Variants in POLR2F observed in about 807,000 individuals in gnomAD.
POLR2F encodes the protein RNA polymerase II, I and III subunit F, also known as DNA-directed RNA polymerases I, II, and III subunit RPABC2.
In POLR2F, 12 loss-of-function variants were observed where a neutral mutation model predicts 22.7. The observed-to-expected ratio is 0.53, with a 90% confidence interval of 0.34 to 0.86. POLR2F has a LOEUF of 0.86. Among genes scored for constraint, POLR2F ranks in the 40% least tolerant of loss-of-function variants. The pLI, the probability that POLR2F is intolerant of heterozygous loss-of-function variation, is 0.02. For missense variants in POLR2F, 126 were observed against 171.5 expected, an observed-to-expected ratio of 0.73 and a Z score of 1.48; for synonymous variants, 57 against 66.0, an observed-to-expected ratio of 0.86 and a Z score of 0.66.
chr22:38,003,016 C>T (rs905780221), intron 1 of POLR2F, among the ~76,000 whole-genome samples: 12 of 151,984 alleles, frequency 7.9e-5, no homozygotes, highest in African/African-American at 1.9e-4. Flanking sequence ...TGACCCACCG[C>T]GCCCGGCCAA....
Position 37,986,983 on chromosome 22 carries a change from C to A in POLR2F, c.120+671C>A, listed in dbSNP as rs1932600356. 1 of 453,404 alleles carries A rather than the reference C, an allele frequency of 2.2e-6. No homozygotes were observed. Among genetic ancestry groups the A allele is most frequent in the Non-Finnish European group, 4.5e-6 (1 of 224,460 alleles). 28.1% of individuals were successfully genotyped at this position (453,404 alleles called of 1,614,324 possible). A position where few individuals can be genotyped will look rare whatever the true frequency, so the allele number is the denominator to read the frequency against. ...CCAGTGTCACCTTCTCCTCCTTTCC[C>A]TGCTGGGGGTGGCAGGGGTCCCTTT... On this transcript the variant is annotated intron_variant, in intron 1 of 2. Coordinates refer to the POLR2F transcript ENST00000333418. The surrounding 1 kb of genome is among the most constrained non-coding windows in gnomAD (Gnocchi z 4.7).
At position 38,017,236 on chromosome 22, in the gene POLR2F, A is replaced by C. The variant is rs533843808; in HGVS notation, c.121-8633A>C. Among the ~76,000 whole-genome samples, 11 of 152,246 alleles carry C rather than the reference A, an allele frequency of 7.2e-5. No individual in the cohort carries two copies. Among genetic ancestry groups the C allele is most frequent in the African/African-American group, 2.6e-4 (11 of 41,544 alleles). ...GAAAGGCTCCTCTGGGGGTTTTGGA[A>C]ATGATGACGTGCCCTTCCTAGTCCT... On this transcript the variant is annotated intron_variant, in intron 1 of 2. Transcript: ENST00000333418. The surrounding 1 kb of genome is among the most constrained non-coding windows in gnomAD (Gnocchi z 4.1).
intron 1 of POLR2F, among the ~76,000 whole-genome samples, chr22:37,998,199 T>C (rs1184203418): frequency 6.6e-6 from 1 of 152,212 alleles, no homozygotes; most frequent in African/African-American, 2.4e-5. Flanking sequence ...TGAGGGGATG[T>C]TGGGCTTTTA....
downstream of POLR2F, among the ~76,000 whole-genome samples, chr22:38,028,450 G>A (rs2085034149): frequency 2.0e-5 from 3 of 152,064 alleles, no homozygotes; most frequent in South Asian, 4.1e-4. Context: ...TGATACGGGG[G>A]CTCATGACCC....
In POLR2F at chr22:37,956,815, G is replaced by T. The variant is rs1931422002; in HGVS notation, c.63G>T (p.Gly21=). 6.2e-7 allele frequency: 1 copy of T among 1,613,942 alleles called. No individual in the cohort carries two copies. Among genetic ancestry groups the T allele is most frequent in the Admixed American group, 1.7e-5 (1 of 59,998 alleles). The stretch of plus-strand genomic sequence containing the variant: ...TTGATGATGTGGAGGAGGATGAAGG[G>T]CTAGATGACTTGGAGAATGCCGAAG... The part of the protein sequence containing the change: ...DDFDDVEEDE[G]LDDLENAEEE... Residue 21 remains glycine (G), a synonymous_variant, in exon 2 of 5, where the codon GGG becomes GGT. Transcript: ENST00000442738.
intron 1 of POLR2F, among the ~76,000 whole-genome samples, chr22:38,001,445 G>T (rs762505009): frequency 1.3e-5 from 2 of 152,188 alleles, no homozygotes; most frequent in African/African-American, 2.4e-5. Context: ...GGGAATTTAC[G>T]AATTTATTCA....
At chr22:37,976,372 T>C (rs1172114314) in intron 4 of POLR2F, among the ~76,000 whole-genome samples, 1 of 152,238 alleles carries the variant, frequency 6.6e-6, no homozygotes, top group Non-Finnish European at 1.5e-5. Flanking sequence ...TGTTTCTTCC[T>C]GTACTTAATT....
intron 1 of POLR2F, among the ~76,000 whole-genome samples, chr22:38,023,864 C>G (rs1057382114): frequency 1.7e-5 from 2 of 116,228 alleles, no homozygotes; most frequent in African/African-American, 6.8e-5. Flanking sequence ...TTTTTTGATA[C>G]GGATTCTCAC....
At chr22:37,963,657 C>T (rs1931737649) in intron 3 of POLR2F, among the ~76,000 whole-genome samples, 1 of 152,166 alleles carries the variant, frequency 6.6e-6, no homozygotes, top group African/African-American at 2.4e-5. Flanking sequence ...TTCTATGGGG[C>T]ACACTAATAT....
chr22:37,977,351 C>T (rs1305307164), intron 4 of POLR2F, among the ~76,000 whole-genome samples: 1 of 150,674 alleles, frequency 6.6e-6, no homozygotes, highest in Non-Finnish European at 1.5e-5. Context: ...GACAGAGTCT[C>T]GCTCTGTCGC....
rs553354724 is a variant in POLR2F at position 38,019,586 on chromosome 22, C to G, written c.121-6283C>G. Reference sequence around the variant, plus strand: ...GAATCTGCCCAGGAAATAGATCTGCCCAAGGCAGAGAGAGGGAGGGCGGAC... The same window carrying G: ...GAATCTGCCCAGGAAATAGATCTGCGCAAGGCAGAGAGAGGGAGGGCGGAC... On this transcript the variant is annotated intron_variant, in intron 1 of 2. Transcript: ENST00000333418. Among the ~76,000 whole-genome samples the G allele has an allele frequency of 5.3e-5, 8 of 152,288 alleles. No individual in the cohort carries two copies. In the South Asian group the frequency reaches 1.7e-3, roughly 32 times the overall value.
chr22:37,968,598 GC>G lies in POLR2F; in HGVS notation c.*884del. ...TGGGTCCTCTTCCTTTCTCCACCCT[GC>G]TTACCCAACCTGAGGTAAGACCAGT... On this transcript the variant is annotated 3_prime_UTR_variant, in exon 5 of 5. Transcript: ENST00000442738. 1 of 985,618 alleles carries G rather than the reference GC, an allele frequency of 1.0e-6. No homozygotes were observed. The highest frequency in any genetic ancestry group is 4.7e-5 in the South Asian group (1 of 21,288). The allele number at this position is 985,618 out of a possible 1,614,324, so 61.1% of individuals were successfully genotyped here. A position where few individuals can be genotyped will look rare whatever the true frequency, so the allele number is the denominator to read the frequency against.
At chr22:38,025,656 C>T in intron 1 of POLR2F, 1 of 1,563,722 alleles carries the variant, frequency 6.4e-7, no homozygotes, top group South Asian at 1.2e-5. Context: ...TTCAGCATCT[C>T]CTCCCGCTGA....
chr22:38,013,390 C>T (rs1388323684), intron 1 of POLR2F, among the ~76,000 whole-genome samples: 1 of 152,208 alleles, frequency 6.6e-6, no homozygotes, highest in African/African-American at 2.4e-5. Context: ...AGGTGATCCA[C>T]CCACCTTGGC....
intron 1 of POLR2F, among the ~76,000 whole-genome samples, chr22:37,991,139 ATT>A (rs142528420): frequency 6.6e-6 from 1 of 152,172 alleles, no homozygotes; most frequent in Non-Finnish European, 1.5e-5. Flanking sequence ...TATTACTATT[ATT>A]ATTTGAGACT....
At chr22:38,021,901 C>T (rs1228425415) in intron 1 of POLR2F, among the ~76,000 whole-genome samples, 1 of 150,582 alleles carries the variant, frequency 6.6e-6, no homozygotes, top group East Asian at 2.0e-4. Context: ...GGGCCCAAGG[C>T]GGGCAGATCA....
At position 38,025,603 on chromosome 22, in the gene POLR2F, A is replaced by C. The variant is rs961303355; in HGVS notation, c.121-266A>C. The C allele has an allele frequency of 9.1e-6, 14 of 1,530,728 alleles. No homozygotes were observed. The African/African-American group carries it at 1.9e-4, about 21-fold the overall frequency. The allele number at this position is 1,530,728 out of a possible 1,614,324, so 94.8% of individuals were successfully genotyped here. A position where few individuals can be genotyped will look rare whatever the true frequency, so the allele number is the denominator to read the frequency against. The stretch of plus-strand genomic sequence containing the variant: ...GACTTCTCTGGGGGCTGGAATACAC[A>C]GTGCTGAGACCCTCCTACGCACTGG... On this transcript the variant is annotated intron_variant, in intron 1 of 2. Transcript: ENST00000333418.
chr22:38,025,217 G>A (rs1049888416), intron 1 of POLR2F, among the ~76,000 whole-genome samples: 5 of 152,010 alleles, frequency 3.3e-5, no homozygotes, highest in South Asian at 4.2e-4. Context: ...GTCCCTTCAC[G>A]GTGACACATG....
chr22:37,983,403 G>T, upstream of POLR2F: 2 of 1,610,612 alleles, frequency 1.2e-6, no homozygotes, highest in Non-Finnish European at 1.7e-6. The surrounding 1 kb of genome is among the most constrained non-coding windows in gnomAD (Gnocchi z 9.5). Flanking sequence ...TTGTGCAGGT[G>T]CGGGTACTGG....
Sources: allele counts gnomAD v4.1 joint callset (sites outside exome capture counted in the v4.1 genomes callset), GRCh38; gene constraint gnomAD v4.1.1; non-coding constraint Gnocchi (gnomAD v3.1); transcripts MANE v1.5; gene names NCBI Gene and HGNC (gene_info 2026-07-23, HGNC 2026-07-21).